The following BICRA variants were observed in gnomAD, a reference collection of about 807,000 sequenced individuals.
The protein encoded by BICRA is BRD4-interacting chromatin-remodeling complex-associated protein.
Under a neutral mutation model 96.9 loss-of-function variants are expected in BICRA, and 31 were observed. The observed-to-expected ratio is 0.32, with a 90% confidence interval of 0.24 to 0.43. BICRA has a LOEUF of 0.43. Ranked by LOEUF, BICRA falls within the 20% of genes least tolerant of loss-of-function variation. The probability of loss-of-function intolerance (pLI) is 1.00; values close to 1 mark genes in which losing one functional copy is unlikely to be tolerated. For missense variants in BICRA, 2,283 were observed against 2,190.3 expected, an observed-to-expected ratio of 1.04 and a Z score of -0.84; for synonymous variants, 1,350 against 1,071.8, an observed-to-expected ratio of 1.26 and a Z score of -5.07.
chr19:47,679,957 C>G lies in BICRA; in HGVS notation c.787C>G (p.Leu263Val). The G allele has an allele frequency of 1.3e-6, 2 of 1,494,548 alleles. No individual in the cohort carries two copies. The highest frequency in any genetic ancestry group is 1.8e-6 in the Non-Finnish European group (2 of 1,129,070). 92.6% of individuals were successfully genotyped at this position (1,494,548 alleles called of 1,614,324 possible). The change falls in exon 6 of 15, where the codon CTG (leucine) becomes GTG (valine). Residue 263 changes from leucine to valine, a missense_variant. By Grantham distance (32) the Leu-to-Val change is conservative. Transcript: ENST00000594866. The part of the protein sequence containing the change: ...LAKQVPVSGY[L>V]ASAAGPSEPV... ...CAAGCAGGTGCCCGTCAGCGGCTAC[C>G]TGGCCTCGGCGGCTGGCCCCTCGGA...
intron 1 of BICRA, among the ~76,000 whole-genome samples, chr19:47,652,115 T>A (rs1002540836): frequency 3.3e-5 from 5 of 151,934 alleles, no homozygotes; most frequent in Admixed American, 6.6e-5. Flanking sequence ...GTGAGAAAAA[T>A]AGGGGAGTGA....
At chr19:47,689,834 C>T (rs1973214811) in intron 7 of BICRA, among the ~76,000 whole-genome samples, 1 of 152,224 alleles carries the variant, frequency 6.6e-6, no homozygotes, top group African/African-American at 2.4e-5. Context: ...CTTACTGTGG[C>T]AGCAACAGTG....
At chr19:47,682,340 G>T (rs1973078262) in intron 7 of BICRA, among the ~76,000 whole-genome samples, 188 bp downstream of exon 7, 1 of 152,236 alleles carries the variant, frequency 6.6e-6, no homozygotes, top group Non-Finnish European at 1.5e-5. Context: ...CGGCCCTGGG[G>T]GAGCCCACGC....
rs142140271 is a variant in BICRA at position 47,672,374 on chromosome 19, GTAGA to G, written c.-5-1194_-5-1191del. Among the ~76,000 whole-genome samples the G allele has an allele frequency of 4.8e-3, 710 of 149,260 alleles. 4 individuals are homozygous for G. The highest frequency in any genetic ancestry group is 0.017 in the African/African-American group (668 of 40,238). On this transcript the variant is annotated intron_variant, in intron 2 of 14. Transcript: ENST00000594866. Reference sequence around the variant, plus strand: ...GGATGGAAGGATGGAGGATGGGTAGGTAGATGGATGGAAGGATGGAGGATGGGTA... The same window carrying G: ...GGATGGAAGGATGGAGGATGGGTAGGTGGATGGAAGGATGGAGGATGGGTA...
chr19:47,647,273 A>G (rs1260926777), intron 1 of BICRA, among the ~76,000 whole-genome samples: 1 of 151,370 alleles, frequency 6.6e-6, no homozygotes, highest in Non-Finnish European at 1.5e-5. Flanking sequence ...TTTTGTGTGG[A>G]CACTTGTTTC....
intron 1 of BICRA, among the ~76,000 whole-genome samples, chr19:47,640,820 A>G (rs939214176): frequency 6.6e-6 from 1 of 152,008 alleles, no homozygotes; most frequent in Non-Finnish European, 1.5e-5. Context: ...AGGGATTTGA[A>G]AACACTTACC....
chr19:47,648,345 C>T (rs1465875572), intron 1 of BICRA, among the ~76,000 whole-genome samples: 2 of 151,944 alleles, frequency 1.3e-5, no homozygotes, highest in African/African-American at 2.4e-5. Flanking sequence ...CGCCTGACAG[C>T]GTCACCTGTG....
intron 1 of BICRA, among the ~76,000 whole-genome samples, chr19:47,632,879 CA>C (rs1234262979): frequency 6.6e-6 from 1 of 152,034 alleles, no homozygotes; most frequent in African/African-American, 2.4e-5. Context: ...GTCTCCTTCT[CA>C]GGCAAGTTCT....
intron 1 of BICRA, among the ~76,000 whole-genome samples, chr19:47,666,761 T>C (rs894445042): frequency 2.0e-5 from 3 of 151,574 alleles, no homozygotes; most frequent in African/African-American, 7.3e-5. Flanking sequence ...TTTGTAGAGA[T>C]GAGATCTTGC....
chr19:47,652,946 A>G (rs1972561011), intron 1 of BICRA, among the ~76,000 whole-genome samples: 1 of 148,478 alleles, frequency 6.7e-6, no homozygotes. Flanking sequence ...ACCCTTCTAC[A>G]TTTTACTTTT....
intron 14 of BICRA, chr19:47,700,773 A>G (rs1973427552): frequency 6.5e-6 from 1 of 152,796 alleles, no homozygotes; most frequent in Non-Finnish European, 1.4e-5. Context: ...CAGCCTGGGC[A>G]ACAGATTGAG....
At position 47,702,625 on chromosome 19, in the gene BICRA, G is replaced by A. The variant is rs111439349; in HGVS notation, c.*210G>A. ...GTGGATTTAGGGAGGGGGCTGTGAT[G>A]TAAAACGTCTCCCCTGCCAAAGGAG... On this transcript the variant is annotated 3_prime_UTR_variant, in exon 15 of 15. Coordinates refer to ENST00000594866, the MANE Select transcript of BICRA (RefSeq NM_001394372.1). The A allele has an allele frequency of 3.3e-5, 18 of 553,254 alleles. No homozygotes were observed. Among genetic ancestry groups the A allele is most frequent in the African/African-American group, 2.8e-4 (14 of 49,762 alleles). 34.3% of individuals were successfully genotyped at this position (553,254 alleles called of 1,614,324 possible).
intron 1 of BICRA, among the ~76,000 whole-genome samples, chr19:47,628,221 A>T (rs549865917): frequency 4.2e-4 from 64 of 152,352 alleles, no homozygotes; most frequent in Non-Finnish European, 7.5e-4. Flanking sequence ...TGGTGCAGAC[A>T]CATTGGGCTG....
intron 5 of BICRA, 99 bp from the exon 6 acceptor site, chr19:47,679,222 G>A: frequency 1.3e-6 from 1 of 799,278 alleles, no homozygotes. Flanking sequence ...TCTTGAACGT[G>A]GCTGCCCTGT....
intron 6 of BICRA, 31 bp downstream of exon 6, chr19:47,681,307 C>G: frequency 6.5e-7 from 1 of 1,534,838 alleles, no homozygotes; most frequent in South Asian, 1.2e-5. Context: ...GAGCAGGTAC[C>G]GGAGGAGGCG....
chr19:47,660,750 A>G (rs1212631259), intron 1 of BICRA, among the ~76,000 whole-genome samples: 4 of 152,140 alleles, frequency 2.6e-5, no homozygotes, highest in Non-Finnish European at 5.9e-5. Flanking sequence ...TGGCATCATC[A>G]TGTAGTTCCC....
chr19:47,680,218 C>G lies in BICRA; in HGVS notation c.1048C>G (p.Pro350Ala). ...PNVILHRTPT[P>A]IQPKPAGVLP... ...CGTGATCCTGCATCGCACACCCACG[C>G]CCATCCAGCCCAAGCCCGCGGGGGT... Residue 350 changes from proline to alanine, a missense_variant, in exon 6 of 15, where the codon CCC becomes GCC. Transcript: ENST00000594866. The G allele has an allele frequency of 6.4e-7, 1 of 1,558,938 alleles. No homozygotes were observed. The highest frequency in any genetic ancestry group is 8.6e-7 in the Non-Finnish European group (1 of 1,161,162).
chr19:47,695,058 C>T lies in BICRA; in HGVS notation c.3054C>T (p.Ala1018=). 5 of 1,498,384 alleles carry T rather than the reference C, an allele frequency of 3.3e-6. No homozygotes were observed. The highest frequency in any genetic ancestry group is 4.4e-6 in the Non-Finnish European group (5 of 1,134,296). 92.8% of individuals were successfully genotyped at this position (1,498,384 alleles called of 1,614,324 possible). A position where few individuals can be genotyped will look rare whatever the true frequency, so the allele number is the denominator to read the frequency against. Residue 1018 remains alanine, a synonymous_variant, in exon 9 of 15, where the codon GCC becomes GCT. Coordinates refer to ENST00000594866, the MANE Select transcript of BICRA (RefSeq NM_001394372.1). ...GTPTAPSHAP[A]PAPMAATGLP... ...CCACTGCCCCCAGCCACGCCCCCGC[C>T]CCGGCACCCATGGCCGCCACAGGTA...
chr19:47,636,930 A>G (rs954773197), intron 1 of BICRA, among the ~76,000 whole-genome samples: 1 of 152,028 alleles, frequency 6.6e-6, no homozygotes, highest in Non-Finnish European at 1.5e-5. Context: ...GGCAGGCATG[A>G]GTCTTACCCC....
Sources: gnomAD v4.1 joint callset for allele counts (sites outside exome capture counted in the v4.1 genomes callset) on GRCh38, gnomAD v4.1.1 for gene constraint, MANE v1.5 for transcripts, NCBI Gene and HGNC (gene_info 2026-07-23, HGNC 2026-07-21) for gene names.